Variants in ATP8A2 observed in about 807,000 individuals in gnomAD.
ATP8A2 encodes the protein ATPase phospholipid transporting 8A2.
A neutral mutation model predicts 165.6 loss-of-function variants in ATP8A2; 100 were observed. That is an observed-to-expected ratio of 0.60 (90% CI 0.51 to 0.71). The LOEUF (loss-of-function observed/expected upper bound fraction) is 0.71, where lower values mean the gene tolerates loss of function less well. Ranked by LOEUF, ATP8A2 falls within the 30% of genes least tolerant of loss-of-function variation. The probability of loss-of-function intolerance (pLI) is 0.00; values close to 1 mark genes in which losing one functional copy is unlikely to be tolerated. For missense variants in ATP8A2, 1,227 were observed against 1,479.5 expected (o/e 0.83, Z 2.80); for synonymous variants, 543 against 548.8 (o/e 0.99, Z 0.15).
At chr13:25,699,787 T>G (rs1448356377) in intron 25 of ATP8A2, among the ~76,000 whole-genome samples, 1 of 152,136 alleles carries the variant, frequency 6.6e-6, no homozygotes, top group African/African-American at 2.4e-5. Flanking sequence ...GTGATAGCAA[T>G]TTTTGTGGTA....
chr13:25,779,834 G>A (rs1323820711), intron 27 of ATP8A2, among the ~76,000 whole-genome samples: 1 of 152,220 alleles, frequency 6.6e-6, no homozygotes, highest in Admixed American at 6.5e-5. Flanking sequence ...GGGGTAAAGA[G>A]GTTAGGAAAG....
At chr13:25,896,044 TCTG>T (rs1953535566) in intron 33 of ATP8A2, among the ~76,000 whole-genome samples, 1 of 152,230 alleles carries the variant, frequency 6.6e-6, no homozygotes, top group African/African-American at 2.4e-5. Flanking sequence ...TCAGTTCTGC[TCTG>T]ATCTTAGTTA....
intron 24 of ATP8A2, among the ~76,000 whole-genome samples, chr13:25,641,278 T>G (rs1364813615): frequency 4.6e-5 from 7 of 152,110 alleles, no homozygotes; most frequent in Non-Finnish European, 7.3e-5. Context: ...GAGAAAGAAA[T>G]AAAGGATATT....
intron 25 of ATP8A2, among the ~76,000 whole-genome samples, chr13:25,736,103 C>G (rs1335920193): frequency 6.6e-6 from 1 of 152,178 alleles, no homozygotes; most frequent in Non-Finnish European, 1.5e-5. Flanking sequence ...CATTTGTAGC[C>G]TAGGAGCAAT....
chr13:25,736,734 AT>A (rs1372377479), intron 25 of ATP8A2, among the ~76,000 whole-genome samples: 1 of 152,162 alleles, frequency 6.6e-6, no homozygotes, highest in Non-Finnish European at 1.5e-5. Flanking sequence ...GGTGGGCTGG[AT>A]TTGACCCGGG....
At chr13:25,971,949 G>A (rs767285610) in intron 35 of ATP8A2, among the ~76,000 whole-genome samples, 1 of 152,086 alleles carries the variant, frequency 6.6e-6, no homozygotes, top group Non-Finnish European at 1.5e-5. Context: ...AACCCCAGGG[G>A]CTTACTCAGC....
At chr13:25,514,707 T>C (rs532972067) in intron 2 of ATP8A2, among the ~76,000 whole-genome samples, 3 of 152,264 alleles carry the variant, frequency 2.0e-5, no homozygotes, top group Non-Finnish European at 4.4e-5. Context: ...ATTTCCTGTG[T>C]GAGCTCCTCT....
At chr13:25,698,379 A>G (rs2208931) in intron 24 of ATP8A2, among the ~76,000 whole-genome samples, 150,752 of 152,160 alleles carry the variant, frequency 0.99, 74,695 homozygotes, top group East Asian at 1. Context: ...CAGCAGACAC[A>G]CACCACCATG....
intron 10 of ATP8A2, among the ~76,000 whole-genome samples, chr13:25,550,167 G>T (rs944167709): frequency 1.3e-5 from 2 of 151,978 alleles, no homozygotes; most frequent in Non-Finnish European, 2.9e-5. Flanking sequence ...TTAGTCGGGC[G>T]TGATGGTGGG....
At chr13:26,015,664 T>A (rs1956953614) in intron 36 of ATP8A2, among the ~76,000 whole-genome samples, 4 of 152,068 alleles carry the variant, frequency 2.6e-5, no homozygotes, top group African/African-American at 9.7e-5. Context: ...AACTAAGAAA[T>A]CCGTCTTTCC....
intron 30 of ATP8A2, among the ~76,000 whole-genome samples, chr13:25,853,282 C>T (rs1409356004): frequency 6.6e-6 from 1 of 151,590 alleles, no homozygotes; most frequent in East Asian, 1.9e-4. Context: ...GTCCCAGCTA[C>T]TCGGGAGGCT....
chr13:25,471,258 T>G (rs1481172957), intron 2 of ATP8A2, among the ~76,000 whole-genome samples: 3 of 152,136 alleles, frequency 2.0e-5, no homozygotes, highest in African/African-American at 7.2e-5. Flanking sequence ...ATTCCTTTAA[T>G]TTTGTTATCC....
At chr13:25,817,525 A>G (rs1951059022) in intron 27 of ATP8A2, among the ~76,000 whole-genome samples, 1 of 152,170 alleles carries the variant, frequency 6.6e-6, no homozygotes, top group Admixed American at 6.5e-5. Flanking sequence ...ATAAGATTCA[A>G]CTTTCTTGCG....
rs1957123388 is a variant in ATP8A2 at position 26,024,075 on chromosome 13, C to A, written c.*4090C>A. On this transcript the variant is annotated 3_prime_UTR_variant, in exon 37 of 37. Transcript: ENST00000381655. ...CCCCCTCCCTTCAAAAAAAGAAAAT[C>A]TATATCAGTTGGGTTTGGTTTTGGT... 6.6e-6 allele frequency: 1 copy of A among 152,102 alleles called. No individual in the cohort carries two copies. Among genetic ancestry groups the A allele is most frequent in the Admixed American group, 6.5e-5 (1 of 15,270 alleles). 9.4% of individuals were successfully genotyped at this position (152,102 alleles called of 1,614,324 possible). A position where few individuals can be genotyped will look rare whatever the true frequency, so the allele number is the denominator to read the frequency against.
At chr13:25,855,230 G>A (rs971635915) in intron 30 of ATP8A2, among the ~76,000 whole-genome samples, 10 of 146,478 alleles carry the variant, frequency 6.8e-5, no homozygotes, top group African/African-American at 2.3e-4. Flanking sequence ...CAGCCTGGGC[G>A]ACAGAGTAAG....
At chr13:25,425,262 T>A (rs1055252777) in intron 1 of ATP8A2, among the ~76,000 whole-genome samples, 4 of 152,104 alleles carry the variant, frequency 2.6e-5, no homozygotes, top group Admixed American at 6.6e-5. Flanking sequence ...ATTTTGCTTT[T>A]TACAGTGCCT....
intron 33 of ATP8A2, among the ~76,000 whole-genome samples, chr13:25,948,710 ACT>A (rs1231136245): frequency 1.3e-5 from 2 of 152,098 alleles, no homozygotes; most frequent in Admixed American, 6.5e-5. Flanking sequence ...GCTTGATCAC[ACT>A]CTCTATTCAT....
chr13:25,736,219 C>T (rs1790994612), intron 25 of ATP8A2, among the ~76,000 whole-genome samples: 1 of 152,170 alleles, frequency 6.6e-6, no homozygotes, highest in Non-Finnish European at 1.5e-5. Context: ...ATTGCATCCC[C>T]TTCATTATGT....
chr13:25,540,250 A>G, intron 7 of ATP8A2, 69 bp from the exon 8 acceptor site: 1 of 1,159,042 alleles, frequency 8.6e-7, no homozygotes, highest in Non-Finnish European at 1.3e-6. Context: ...TCCATAATAG[A>G]GATTTTCTAA....
Sources: gnomAD v4.1 joint callset for allele counts (sites outside exome capture counted in the v4.1 genomes callset) on GRCh38, gnomAD v4.1.1 for gene constraint, MANE v1.5 for transcripts, NCBI Gene and HGNC (gene_info 2026-07-23, HGNC 2026-07-21) for gene names.